ALDH5A1: variants seen among roughly 807,000 people sequenced by gnomAD.
The protein encoded by ALDH5A1 is aldehyde dehydrogenase 5 family member A1.
A neutral mutation model predicts 54.7 loss-of-function variants in ALDH5A1; 33 were observed. That is an observed-to-expected ratio of 0.60 (90% CI 0.46 to 0.81). The LOEUF (loss-of-function observed/expected upper bound fraction) is 0.81. Among genes scored for constraint, ALDH5A1 ranks in the 30% least tolerant of loss-of-function variants. The probability of loss-of-function intolerance (pLI) is 0.00; values close to 1 mark genes in which losing one functional copy is unlikely to be tolerated. For missense variants in ALDH5A1, 657 were observed against 711.0 expected, an observed-to-expected ratio of 0.92 and a Z score of 0.86; for synonymous variants, 294 against 292.7, an observed-to-expected ratio of 1.00 and a Z score of -0.05.
intron 2 of ALDH5A1, 45 bp from the exon 3 acceptor site, chr6:24,503,218 T>G: frequency 6.2e-7 from 1 of 1,601,482 alleles, no homozygotes; most frequent in Non-Finnish European, 8.5e-7. Context: ...GCCATGCTTT[T>G]ATTATTAGAA....
chr6:24,533,886 T>C lies in ALDH5A1; in HGVS notation c.*174T>C, dbSNP rs1019120526. 1 of 636,198 alleles carries C rather than the reference T, an allele frequency of 1.6e-6. No individual in the cohort carries two copies. Among genetic ancestry groups the C allele is most frequent in the South Asian group, 2.0e-5 (1 of 50,356 alleles). The allele number at this position is 636,198 out of a possible 1,614,324, so 39.4% of individuals were successfully genotyped here. On this transcript the variant is annotated 3_prime_UTR_variant, in exon 10 of 10. Coordinates refer to ENST00000357578, the MANE Select transcript of ALDH5A1 (RefSeq NM_001080.3). ...ATCCTACCCCTGCCCTTAATGTAAC[T>C]AGGGACCAATATGTGCCACGTGCCT...
intron 8 of ALDH5A1, among the ~76,000 whole-genome samples, chr6:24,530,671 G>A (rs779509835): frequency 1.3e-5 from 2 of 152,198 alleles, no homozygotes; most frequent in South Asian, 2.1e-4. Context: ...TTTCCGCTGG[G>A]GTATTTTGCA....
In ALDH5A1 at chr6:24,495,244, G is replaced by C; in HGVS notation, c.248G>C (p.Ser83Thr). 6.6e-7 allele frequency: 1 copy of C among 1,524,986 alleles called. No homozygotes were observed. The highest frequency in any genetic ancestry group is 8.7e-7 in the Non-Finnish European group (1 of 1,142,998). The allele number at this position is 1,524,986 out of a possible 1,614,324, so 94.5% of individuals were successfully genotyped here. A position where few individuals can be genotyped will look rare whatever the true frequency, so the allele number is the denominator to read the frequency against. The change falls in exon 1 of 10, where the codon AGC becomes ACC. Residue 83 changes from serine (S) to threonine (T), a missense_variant. Ser to Thr is a moderately conservative substitution (Grantham distance 58, BLOSUM62 1). This residue lies in a region of ALDH5A1 where 232 missense variants were observed against 194.6 expected (regional missense o/e 1.19). Transcript: ENST00000357578. Reference protein sequence around the residue: ...AATFPVQDPASGAALGMVADC... With the variant: ...AATFPVQDPATGAALGMVADC... Reference sequence around the variant, plus strand: ...ACCTTCCCCGTGCAAGACCCGGCCAGCGGCGCCGCTCTGGGCATGGTAGCC... The same window carrying C: ...ACCTTCCCCGTGCAAGACCCGGCCACCGGCGCCGCTCTGGGCATGGTAGCC...
intron 4 of ALDH5A1, chr6:24,511,777 C>CT: frequency 2.6e-6 from 1 of 378,048 alleles, no homozygotes. Context: ...CTTCGCCTTT[C>CT]TTTGTTGCCT....
At chr6:24,503,738 A>G (rs1315729939) in intron 3 of ALDH5A1, among the ~76,000 whole-genome samples, 1 of 152,202 alleles carries the variant, frequency 6.6e-6, no homozygotes, top group Admixed American at 6.5e-5. Flanking sequence ...AGCACCTCTG[A>G]AAAGATCTTC....
intron 4 of ALDH5A1, among the ~76,000 whole-genome samples, chr6:24,512,295 G>A (rs1202131661): frequency 7.2e-5 from 11 of 152,194 alleles, no homozygotes; most frequent in Non-Finnish European, 1.0e-4. Flanking sequence ...CAGTTTTCCT[G>A]ATTTATTCCT....
intron 7 of ALDH5A1, among the ~76,000 whole-genome samples, chr6:24,525,430 G>A (rs1004574904): frequency 5.9e-5 from 9 of 151,956 alleles, no homozygotes; most frequent in Admixed American, 3.3e-4. Flanking sequence ...CGGGCACAGT[G>A]GCTCACGCCT....
intron 1 of ALDH5A1, 143 bp downstream of exon 1, chr6:24,495,493 C>A: frequency 1.2e-6 from 1 of 845,424 alleles, no homozygotes; most frequent in Non-Finnish European, 1.8e-6. Flanking sequence ...AAAGTCAGAG[C>A]AACAAGGGAG....
intron 5 of ALDH5A1, among the ~76,000 whole-genome samples, chr6:24,516,722 T>C (rs1051401405): frequency 5.9e-5 from 9 of 151,932 alleles, no homozygotes; most frequent in African/African-American, 2.2e-4. Context: ...GGAGGATCAC[T>C]TGAGCCCAAC....
chr6:24,526,138 T>C (rs72834964), intron 7 of ALDH5A1, among the ~76,000 whole-genome samples: 17,727 of 152,052 alleles, frequency 0.12, 1,075 homozygotes, highest in Middle Eastern at 0.19. Flanking sequence ...CATCCCCAAA[T>C]TGATCAACCC....
At chr6:24,524,105 C>A (rs954515382) in intron 7 of ALDH5A1, among the ~76,000 whole-genome samples, 1 of 151,674 alleles carries the variant, frequency 6.6e-6, no homozygotes, top group South Asian at 2.1e-4. Context: ...CCTGCCTCAG[C>A]CTCCCGAGTA....
chr6:24,498,863 C>A (rs1255744327), intron 1 of ALDH5A1, among the ~76,000 whole-genome samples: 2 of 152,114 alleles, frequency 1.3e-5, no homozygotes, highest in African/African-American at 4.8e-5. Flanking sequence ...CTTTGGGAGG[C>A]TAAGGCAGGT....
intron 7 of ALDH5A1, among the ~76,000 whole-genome samples, chr6:24,523,220 TTAGAG>T (rs1430717216): frequency 2.7e-5 from 4 of 148,866 alleles, no homozygotes; most frequent in Non-Finnish European, 6.0e-5. Flanking sequence ...ACTATCCTGA[TTAGAG>T]TATAGAGTAT....
intron 1 of ALDH5A1, among the ~76,000 whole-genome samples, chr6:24,499,854 T>C (rs12197859): frequency 0.33 from 49,725 of 151,608 alleles, 8,489 homozygotes; most frequent in African/African-American, 0.39. Flanking sequence ...AGAGACGGGG[T>C]TTCACCGTGT....
In ALDH5A1 at chr6:24,528,131, T is replaced by G. The variant is rs199500997; in HGVS notation, c.1308T>G (p.His436Gln). 40 of 1,613,982 alleles carry G rather than the reference T, an allele frequency of 2.5e-5. 1 individual carries two copies. In the African/African-American group the frequency reaches 5.3e-4, roughly 22 times the overall value. The change falls in exon 8 of 10, where the codon CAT becomes CAG. Residue 436 changes from histidine to glutamine, a missense_variant. His to Gln is a conservative substitution (Grantham distance 24). Around this residue, in one of 2 missense-constraint regions of ALDH5A1, gnomAD observed 425 missense variants for 516.4 expected, o/e 0.82. Transcript: ENST00000357578. ...TCACCCAGGACATGCTGTGCACTCA[T>G]GAAGAGACTTTCGGGCCTCTGGCAC... ...CNVTQDMLCT[H>Q]EETFGPLAPV...
chr6:24,520,758 A>G (rs1759667786), intron 6 of ALDH5A1, among the ~76,000 whole-genome samples: 1 of 152,092 alleles, frequency 6.6e-6, no homozygotes, highest in African/African-American at 2.4e-5. Context: ...CTTTCAGCAA[A>G]TATTTAGTAT....
chr6:24,510,730 AAGTT>A (rs1348142303), intron 4 of ALDH5A1, among the ~76,000 whole-genome samples: 2 of 152,118 alleles, frequency 1.3e-5, no homozygotes, highest in Non-Finnish European at 2.9e-5. Context: ...AGGCAACAGA[AAGTT>A]GGTTGGTGAA....
At chr6:24,515,590 T>C (rs1370546770) in intron 5 of ALDH5A1, among the ~76,000 whole-genome samples, 2 of 152,058 alleles carry the variant, frequency 1.3e-5, no homozygotes, top group Non-Finnish European at 2.9e-5. Context: ...GGCATGGTGG[T>C]GCACACCCGT....
Position 24,536,035 on chromosome 6 carries a change from G to T in ALDH5A1, c.*2323G>T, listed in dbSNP as rs933223264. The T allele has an allele frequency of 6.6e-6, 1 of 152,112 alleles. No homozygotes were observed. The highest frequency in any genetic ancestry group is 2.4e-5 in the African/African-American group (1 of 41,412). The allele number at this position is 152,112 out of a possible 1,614,324, so 9.4% of individuals were successfully genotyped here. On this transcript the variant is annotated 3_prime_UTR_variant, in exon 10 of 10. Coordinates refer to ENST00000357578, the MANE Select transcript of ALDH5A1 (RefSeq NM_001080.3). ...TCCTTGATCAATTTTCTAATTAAAG[G>T]AAATAGCTTATTGTTTAGTAAAATG...
Sources: allele counts gnomAD v4.1 joint callset (sites outside exome capture counted in the v4.1 genomes callset), GRCh38; gene constraint gnomAD v4.1.1; regional missense constraint gnomAD v4.1.1; transcripts MANE v1.5; gene names NCBI Gene and HGNC (gene_info 2026-07-23, HGNC 2026-07-21).